SAXO1: variants seen among roughly 807,000 people sequenced by gnomAD.
The protein encoded by SAXO1 is 4930500O09Rik.
In SAXO1, 21 loss-of-function variants were observed where a neutral mutation model predicts 17.5. The ratio of observed to expected loss-of-function variants is 1.20; its 90% CI spans 0.85 to 1.72. SAXO1 has a LOEUF of 1.72. SAXO1 is among the 40% of genes most tolerant of loss of function. The pLI, the probability that SAXO1 is intolerant of heterozygous loss-of-function variation, is 0.00. For synonymous variants in SAXO1, 274 were observed against 216.5 expected (o/e 1.27, Z -2.33); for missense variants, 843 against 596.0 (o/e 1.41, Z -4.32).
chr9:18,986,013 G>C (rs1833578820), intron 1 of SAXO1, among the ~76,000 whole-genome samples: 1 of 152,292 alleles, frequency 6.6e-6, no homozygotes, highest in Non-Finnish European at 1.5e-5. Context: ...ATTAGACCAG[G>C]CCTGGAATTT....
At chr9:18,936,552 T>C (rs1166614386) in intron 3 of SAXO1, among the ~76,000 whole-genome samples, 1 of 152,228 alleles carries the variant, frequency 6.6e-6, no homozygotes, top group South Asian at 2.1e-4. Context: ...CCCAACAATA[T>C]AGTTGAAACC....
At chr9:19,047,990 G>C (rs1182176610) in intron 1 of SAXO1, among the ~76,000 whole-genome samples, 1 of 152,182 alleles carries the variant, frequency 6.6e-6, no homozygotes, top group Non-Finnish European at 1.5e-5. Flanking sequence ...TGAATACATT[G>C]AGAGGAGATT....
rs1046658861 is a variant in SAXO1 at position 19,009,002 on chromosome 9, T to C, written c.38+23869A>G. 3.7e-4 allele frequency among the ~76,000 whole-genome samples: 56 copies of C among 152,168 alleles called. 1 individual carries two copies. Among genetic ancestry groups the C allele is most frequent in the Admixed American group, 3.4e-3 (52 of 15,276 alleles). ...ATGGGTCAGTTTAGTCCAAATTCATTCATATATGCAGCAAACTATTATTTC... is the reference window on the plus strand; with the variant it reads ...ATGGGTCAGTTTAGTCCAAATTCATCCATATATGCAGCAAACTATTATTTC... On this transcript the variant is annotated intron_variant, in intron 1 of 3. Transcript: ENST00000380534.
chr9:18,969,411 G>C (rs796882843), intron 1 of SAXO1, among the ~76,000 whole-genome samples: 1 of 152,134 alleles, frequency 6.6e-6, no homozygotes, highest in Non-Finnish European at 1.5e-5. Context: ...CCCAACAGCT[G>C]TGCTAAACAA....
At chr9:18,967,666 C>G (rs1337816696) in intron 1 of SAXO1, among the ~76,000 whole-genome samples, 1 of 152,194 alleles carries the variant, frequency 6.6e-6, no homozygotes, top group African/African-American at 2.4e-5. Flanking sequence ...GCCAGCGGAT[C>G]TTAGCTTGTT....
chr9:19,016,919 AGTGAGACGCCCCTG>A lies in SAXO1; in HGVS notation c.38+15938_38+15951del, dbSNP rs1834998321. Among the ~76,000 whole-genome samples, 3 of 151,830 alleles carry A rather than the reference AGTGAGACGCCCCTG, an allele frequency of 2.0e-5. No individual in the cohort carries two copies. In the South Asian group the frequency reaches 6.3e-4, roughly 32 times the overall value. On this transcript the variant is annotated intron_variant, in intron 1 of 3. Transcript: ENST00000380534. ...CCACCCGCCACTACAGAAACCAAAA[AGTGAGACGCCCCTG>A]ACAACCACCCACCTTCCTCTGTGAG...
intron 1 of SAXO1, chr9:19,028,139 C>A (rs1402538213): frequency 1.3e-6 from 2 of 1,579,658 alleles, no homozygotes; most frequent in Admixed American, 1.7e-5. Context: ...GCCTAGGGCA[C>A]GGCAGGCCAG....
chr9:19,016,100 T>A (rs889434991), intron 1 of SAXO1, among the ~76,000 whole-genome samples: 2 of 152,092 alleles, frequency 1.3e-5, no homozygotes, highest in Non-Finnish European at 2.9e-5. Context: ...GACAATAATA[T>A]AAGATCCATT....
At chr9:19,016,980 C>A (rs973899827) in intron 1 of SAXO1, among the ~76,000 whole-genome samples, 1 of 151,922 alleles carries the variant, frequency 6.6e-6, no homozygotes, top group South Asian at 2.1e-4. Context: ...TGACCAAGGC[C>A]TGGTCAATCA....
At chr9:18,994,070 T>C (rs1173713666) in intron 1 of SAXO1, among the ~76,000 whole-genome samples, 1 of 152,200 alleles carries the variant, frequency 6.6e-6, no homozygotes, top group East Asian at 1.9e-4. Flanking sequence ...AGAATCCTTT[T>C]ATCAAAAAAT....
At chr9:18,971,427 C>T (rs1346210527) in intron 1 of SAXO1, among the ~76,000 whole-genome samples, 1 of 150,956 alleles carries the variant, frequency 6.6e-6, no homozygotes, top group Admixed American at 6.6e-5. Flanking sequence ...AAATAGGAGC[C>T]AAATCCCCTA....
At chr9:18,958,419 G>A (rs897902982) in intron 1 of SAXO1, among the ~76,000 whole-genome samples, 5 of 152,164 alleles carry the variant, frequency 3.3e-5, no homozygotes, top group African/African-American at 1.2e-4. Context: ...GGGAGACTCC[G>A]TCTGAGAAAA....
At chr9:19,043,461 A>C (rs1231275002) in intron 1 of SAXO1, among the ~76,000 whole-genome samples, 1 of 151,924 alleles carries the variant, frequency 6.6e-6, no homozygotes, top group Non-Finnish European at 1.5e-5. Flanking sequence ...AAGTAGTTAG[A>C]AAGAAGGAGT....
rs545324907 is a variant in SAXO1 at position 18,985,077 on chromosome 9, T to G, written c.39-34140A>C. 2.6e-5 allele frequency among the ~76,000 whole-genome samples: 4 copies of G among 152,180 alleles called. No individual in the cohort carries two copies. In the East Asian group the frequency reaches 7.7e-4, roughly 29 times the overall value. On this transcript the variant is annotated intron_variant, in intron 1 of 3. Transcript: ENST00000380534. ...AAATATTTGCCCTAATTTCAAATAT[T>G]TGCCCTATTTCAATACTGTGTCTCA...
At chr9:18,993,779 T>A (rs573977853) in intron 1 of SAXO1, among the ~76,000 whole-genome samples, 211 of 152,278 alleles carry the variant, frequency 1.4e-3, no homozygotes, top group African/African-American at 4.9e-3. Context: ...GCTACCATAT[T>A]ACCATATTCA....
chr9:19,028,046 G>C, intron 1 of SAXO1: 1 of 1,611,378 alleles, frequency 6.2e-7, no homozygotes, highest in Non-Finnish European at 8.5e-7. Context: ...CTGCGCAGGG[G>C]TGCCACGGAG....
intron 1 of SAXO1, among the ~76,000 whole-genome samples, chr9:19,018,292 C>G (rs1835077870): frequency 6.6e-6 from 1 of 152,084 alleles, no homozygotes; most frequent in Non-Finnish European, 1.5e-5. Context: ...GGAAGAAAAG[C>G]CTCTTAAAAT....
rs1588476992 is a variant in SAXO1, at chr9:18,982,578, C to A, written c.39-31641G>T. Among the ~76,000 whole-genome samples, 6 of 152,200 alleles carry A rather than the reference C, an allele frequency of 3.9e-5. 1 individual carries two copies. In the South Asian group the frequency reaches 1.2e-3, roughly 32 times the overall value. On this transcript the variant is annotated intron_variant, in intron 1 of 3. Transcript: ENST00000380534. ...GGCAGAAGGGGTTACTCTGAGCAAACCTTTCCTTCTGGTGACTTTGTATAT... is the reference window on the plus strand; with the variant it reads ...GGCAGAAGGGGTTACTCTGAGCAAAACTTTCCTTCTGGTGACTTTGTATAT...
intron 1 of SAXO1, among the ~76,000 whole-genome samples, chr9:18,963,635 T>C (rs544582384): frequency 7.2e-5 from 11 of 152,328 alleles, no homozygotes; most frequent in African/African-American, 2.6e-4. Context: ...GTTTTGCACA[T>C]TGATTTCTTA....
Sources: allele counts gnomAD v4.1 joint callset (sites outside exome capture counted in the v4.1 genomes callset), GRCh38; gene constraint gnomAD v4.1.1; transcripts MANE v1.5; gene names NCBI Gene and HGNC (gene_info 2026-07-23, HGNC 2026-07-21).